The following TTC7B variants were observed in gnomAD, a reference collection of about 807,000 sequenced individuals.
TTC7B encodes the protein tetratricopeptide repeat domain 7B, also known as tetratricopeptide repeat protein 7B.
A neutral mutation model predicts 106.8 loss-of-function variants in TTC7B; 28 were observed. The ratio of observed to expected loss-of-function variants is 0.26; its 90% confidence interval spans 0.19 to 0.36. The LOEUF (loss-of-function observed/expected upper bound fraction) is 0.36, where lower values mean the gene tolerates loss of function less well. Among genes scored for constraint, TTC7B ranks in the 10% least tolerant of loss-of-function variants. The probability of loss-of-function intolerance (pLI) is 1.00; values close to 1 mark genes in which losing one functional copy is unlikely to be tolerated. For missense variants in TTC7B, 862 were observed against 1,076.4 expected (o/e 0.80, Z 2.79); for synonymous variants, 405 against 430.6 (o/e 0.94, Z 0.74).
At chr14:90,743,878 C>T (rs1181624628) in intron 4 of TTC7B, among the ~76,000 whole-genome samples, 1 of 152,226 alleles carries the variant, frequency 6.6e-6, no homozygotes, top group Non-Finnish European at 1.5e-5. Flanking sequence ...TCCCTGGCCC[C>T]ATCCAGCCTC....
intron 1 of TTC7B, among the ~76,000 whole-genome samples, chr14:90,813,675 T>A (rs78913391): frequency 1.3e-5 from 2 of 151,582 alleles, no homozygotes; most frequent in Non-Finnish European, 2.9e-5. Context: ...CTGTATTCTT[T>A]TTTTTTTTTT....
chr14:90,776,140 G>GACACACACACAC (rs370873395), intron 3 of TTC7B, among the ~76,000 whole-genome samples: 3,810 of 140,322 alleles, frequency 0.027, 154 homozygotes, highest in African/African-American at 0.083. Flanking sequence ...GGCCCCCCGT[G>GACACACACACAC]ACACACACAC....
In TTC7B at chr14:90,575,506, T is replaced by C. The variant is rs1045525140; in HGVS notation, c.2310+2600A>G. Among the ~76,000 whole-genome samples, 21 of 151,648 alleles carry C rather than the reference T, an allele frequency of 1.4e-4. No homozygotes were observed. The highest frequency in any genetic ancestry group is 2.4e-5 in the African/African-American group (1 of 41,184). ...TGTAGGGAAGAGGACAGAGAGGGAG[T>C]GTGATGTCTCAGGGCTGAAGAGCCT... is the stretch of plus-strand genomic sequence containing the variant. On this transcript the variant is annotated intron_variant, in intron 19 of 19. Transcript: ENST00000328459. The surrounding 1 kb of genome is among the most constrained non-coding windows in gnomAD (Gnocchi z 5.2).
At chr14:90,598,322 C>G (rs906193726) in intron 17 of TTC7B, among the ~76,000 whole-genome samples, 5 of 152,172 alleles carry the variant, frequency 3.3e-5, no homozygotes, top group Non-Finnish European at 2.9e-5. Context: ...TTTCCACAAG[C>G]CAATGGCTTT....
intron 14 of TTC7B, 173 bp downstream of exon 14, chr14:90,646,778 T>C (rs1329152313): frequency 1.6e-6 from 1 of 635,252 alleles, no homozygotes; most frequent in Non-Finnish European, 2.8e-6. Flanking sequence ...CAGCTGATGC[T>C]CAAACCAACC....
chr14:90,710,427 G>A (rs1466747101), intron 5 of TTC7B, among the ~76,000 whole-genome samples: 1 of 152,184 alleles, frequency 6.6e-6, no homozygotes, highest in Non-Finnish European at 1.5e-5. Flanking sequence ...TAACAACAAA[G>A]GATTCAGAAT....
chr14:90,717,264 G>A (rs11626649), intron 5 of TTC7B, among the ~76,000 whole-genome samples: 21,491 of 151,730 alleles, frequency 0.14, 1,653 homozygotes, highest in East Asian at 0.3. Flanking sequence ...GCGTGAACCC[G>A]GGAGGCGGAG....
chr14:90,709,955 T>TA (rs71461918), intron 5 of TTC7B, among the ~76,000 whole-genome samples: 22,030 of 105,676 alleles, frequency 0.21, 2,392 homozygotes, highest in Non-Finnish European at 0.26. Context: ...TCTCTTTCGT[T>TA]AAAAAAAAAA....
intron 3 of TTC7B, among the ~76,000 whole-genome samples, chr14:90,745,452 G>A (rs549793952): frequency 1.3e-5 from 2 of 152,122 alleles, no homozygotes; most frequent in East Asian, 3.8e-4. Flanking sequence ...GTTGAAGAAG[G>A]TGCCTTCTAC....
intron 1 of TTC7B, among the ~76,000 whole-genome samples, chr14:90,788,401 A>G (rs943018278): frequency 1.3e-5 from 2 of 152,188 alleles, no homozygotes; most frequent in Non-Finnish European, 2.9e-5. Context: ...CATGTAGGCA[A>G]AGGCCTGAGT....
At chr14:90,567,970 C>G (rs570206129) in intron 19 of TTC7B, among the ~76,000 whole-genome samples, 1 of 152,172 alleles carries the variant, frequency 6.6e-6, no homozygotes, top group Non-Finnish European at 1.5e-5. Flanking sequence ...CCAGATCACA[C>G]GTGGGGTTGA....
chr14:90,607,124 T>C (rs563358520), intron 17 of TTC7B, among the ~76,000 whole-genome samples: 15 of 152,202 alleles, frequency 9.9e-5, no homozygotes, highest in Non-Finnish European at 1.8e-4. Flanking sequence ...GGAATATTAG[T>C]ATCTCTGTTC....
At chr14:90,711,546 C>G (rs924980133) in intron 5 of TTC7B, among the ~76,000 whole-genome samples, 2 of 152,208 alleles carry the variant, frequency 1.3e-5, no homozygotes, top group Admixed American at 1.3e-4. Flanking sequence ...CTCAGCCCCC[C>G]AAGTAGCTGG....
chr14:90,809,203 G>A (rs1205277840), intron 1 of TTC7B, among the ~76,000 whole-genome samples: 3 of 152,138 alleles, frequency 2.0e-5, no homozygotes, highest in South Asian at 2.1e-4. Flanking sequence ...AGATATGAAC[G>A]ATTTCCAGGG....
chr14:90,711,079 T>G (rs1162637434), intron 5 of TTC7B, among the ~76,000 whole-genome samples: 1 of 152,196 alleles, frequency 6.6e-6, no homozygotes, highest in Non-Finnish European at 1.5e-5. Context: ...TTAGTAGACC[T>G]GCCCAATACA....
intron 1 of TTC7B, among the ~76,000 whole-genome samples, chr14:90,810,424 C>G (rs1197835408): frequency 6.6e-6 from 1 of 152,232 alleles, no homozygotes; most frequent in Admixed American, 6.5e-5. Context: ...AGCAACCCAA[C>G]TCCAAGCCAG....
rs1889382713 is a variant in TTC7B, at chr14:90,535,005, T to C, written c.*6363A>G. On this transcript the variant is annotated 3_prime_UTR_variant, in exon 20 of 20. Transcript: ENST00000328459. ...ATGTGATCACAGACACGCCCACCTG[T>C]GCACGAGCATGCACCTCCCCCAGGC... 1 of 152,220 alleles carries C rather than the reference T, an allele frequency of 6.6e-6. No homozygotes were observed. Among genetic ancestry groups the C allele is most frequent in the South Asian group, 2.1e-4 (1 of 4,830 alleles). The allele number at this position is 152,220 out of a possible 1,614,324, so 9.4% of individuals were successfully genotyped here. A position where few individuals can be genotyped will look rare whatever the true frequency, so the allele number is the denominator to read the frequency against.
Position 90,535,455 on chromosome 14 carries a change from C to T in TTC7B, c.*5913G>A, listed in dbSNP as rs1402907819. 1 of 152,388 alleles carries T rather than the reference C, an allele frequency of 6.6e-6. No individual in the cohort carries two copies. Among genetic ancestry groups the T allele is most frequent in the Non-Finnish European group, 1.5e-5 (1 of 68,438 alleles). The allele number at this position is 152,388 out of a possible 1,614,324, so 9.4% of individuals were successfully genotyped here. A position where few individuals can be genotyped will look rare whatever the true frequency, so the allele number is the denominator to read the frequency against. On this transcript the variant is annotated 3_prime_UTR_variant, in exon 20 of 20. Coordinates refer to ENST00000328459, the MANE Select transcript of TTC7B (RefSeq NM_001010854.2). ...TGGGGGTACCCAGGCCTCTGCCTCC[C>T]TGCTGCTGCTGCTCTGGGGAACCAC...
In TTC7B at chr14:90,593,606, C is replaced by T; in HGVS notation, c.1987G>A (p.Val663Ile). The T allele has an allele frequency of 6.2e-7, 1 of 1,610,302 alleles. No individual in the cohort carries two copies. The highest frequency in any genetic ancestry group is 1.1e-5 in the South Asian group (1 of 90,576). The stretch of plus-strand genomic sequence containing the variant: ...GCCTGCTCCACTCTTGAGGCTGCTA[C>T]CGATGTGGCATGGACGGAGCCTGTG... Reference protein sequence around the residue: ...PETGSVHATSVAASRVEQALS... With the variant: ...PETGSVHATSIAASRVEQALS... Residue 663 changes from valine (V) to isoleucine (I), a missense_variant, in exon 18 of 20, where the codon GTA becomes ATA. Coordinates refer to ENST00000328459, the MANE Select transcript of TTC7B (RefSeq NM_001010854.2).
Sources: allele counts gnomAD v4.1 joint callset (sites outside exome capture counted in the v4.1 genomes callset), GRCh38; gene constraint gnomAD v4.1.1; non-coding constraint Gnocchi (gnomAD v3.1); transcripts MANE v1.5; gene names NCBI Gene and HGNC (gene_info 2026-07-23, HGNC 2026-07-21).